Variants in BMPR2 observed in about 807,000 individuals in gnomAD.
BMPR2 encodes the protein bone morphogenetic protein receptor type-2.
A neutral mutation model predicts 100.8 loss-of-function variants in BMPR2; 29 were observed. The observed-to-expected ratio is 0.29, with a 90% CI of 0.21 to 0.39. BMPR2 has a LOEUF of 0.39. Ranked by LOEUF, BMPR2 falls within the 10% of genes least tolerant of loss-of-function variation. The probability of loss-of-function intolerance (pLI) is 1.00; values close to 1 mark genes in which losing one functional copy is unlikely to be tolerated. For synonymous variants in BMPR2, 382 were observed against 442.3 expected (o/e 0.86, Z 1.71); for missense variants, 1,011 against 1,274.5 (o/e 0.79, Z 3.15).
At chr2:202,385,655 C>T (rs1329137933) in intron 1 of BMPR2, among the ~76,000 whole-genome samples, 2 of 137,426 alleles carry the variant, frequency 1.5e-5, no homozygotes, top group Admixed American at 7.6e-5. Context: ...TGAGCCACCA[C>T]GCCTGGCAAA....
At chr2:202,525,243 G>A (rs1418565119) in intron 7 of BMPR2, among the ~76,000 whole-genome samples, 2 of 151,752 alleles carry the variant, frequency 1.3e-5, no homozygotes, top group African/African-American at 2.4e-5. Flanking sequence ...GATGAGTCTC[G>A]CTCTGTTCCC....
chr2:202,443,227 C>T (rs998558829), intron 1 of BMPR2, among the ~76,000 whole-genome samples: 2 of 150,600 alleles, frequency 1.3e-5, no homozygotes, highest in African/African-American at 2.5e-5. Context: ...TATTCAGTAG[C>T]CCAAGCTGAC....
At chr2:202,385,251 A>G (rs1454852671) in intron 1 of BMPR2, among the ~76,000 whole-genome samples, 1 of 151,250 alleles carries the variant, frequency 6.6e-6, no homozygotes, top group East Asian at 1.9e-4. Flanking sequence ...CTTTTAGGGC[A>G]AGCTTTTTTT....
intron 10 of BMPR2, among the ~76,000 whole-genome samples, chr2:202,545,861 T>C (rs1170215451): frequency 6.6e-6 from 1 of 152,216 alleles, no homozygotes; most frequent in Non-Finnish European, 1.5e-5. Flanking sequence ...TGATAGCAAG[T>C]GAGAGGCTGA....
chr2:202,518,782 T>C lies in BMPR2; in HGVS notation c.622-40T>C, dbSNP rs916994422. The C allele has an allele frequency of 5.4e-6, 8 of 1,485,170 alleles. No individual in the cohort carries two copies. In the East Asian group the frequency reaches 1.1e-4, roughly 21 times the overall value. The allele number at this position is 1,485,170 out of a possible 1,614,324, so 92.0% of individuals were successfully genotyped here. ...TTATTTAGTAAATTTGATTGTTCAA[T>C]TGTGATATTAATACCTTGCTTTCTT... On this transcript the variant is annotated intron_variant, in intron 5 of 12. Transcript: ENST00000374580.
At chr2:202,444,459 A>T (rs1199452193) in intron 1 of BMPR2, among the ~76,000 whole-genome samples, 1 of 150,794 alleles carries the variant, frequency 6.6e-6, no homozygotes, top group Non-Finnish European at 1.5e-5. Context: ...ACAAATTTCT[A>T]AAAAAATAAC....
intron 3 of BMPR2, among the ~76,000 whole-genome samples, chr2:202,487,102 A>G (rs1243163563): frequency 6.6e-6 from 1 of 152,230 alleles, no homozygotes; most frequent in Non-Finnish European, 1.5e-5. Flanking sequence ...TTTTATCCGC[A>G]TGATAGCAAA....
chr2:202,403,707 CACTT>C (rs1690819836), intron 1 of BMPR2, among the ~76,000 whole-genome samples: 2 of 152,266 alleles, frequency 1.3e-5, no homozygotes, highest in Admixed American at 6.5e-5. Flanking sequence ...GATGTACACT[CACTT>C]AAGAGTGAGA....
At chr2:202,551,475 G>A (rs1688477167) in intron 10 of BMPR2, among the ~76,000 whole-genome samples, 1 of 152,006 alleles carries the variant, frequency 6.6e-6, no homozygotes, top group Non-Finnish European at 1.5e-5. Flanking sequence ...AGTGAGCAGA[G>A]ATCGTGCCAC....
intron 1 of BMPR2, among the ~76,000 whole-genome samples, chr2:202,438,550 A>G (rs1691663865): frequency 6.6e-6 from 1 of 150,514 alleles, no homozygotes; most frequent in Admixed American, 6.6e-5. Flanking sequence ...ATCATAAAGG[A>G]TCTACACCTA....
At chr2:202,511,979 C>G (rs780025277) in intron 3 of BMPR2, among the ~76,000 whole-genome samples, 5 of 150,826 alleles carry the variant, frequency 3.3e-5, no homozygotes, top group Non-Finnish European at 7.4e-5. Flanking sequence ...TGAGATTGCA[C>G]CACTGAGCTC....
chr2:202,409,546 G>T (rs1165729153), intron 1 of BMPR2, among the ~76,000 whole-genome samples: 1 of 152,020 alleles, frequency 6.6e-6, no homozygotes, highest in Non-Finnish European at 1.5e-5. Context: ...GTAAGACTCT[G>T]TCTCTATTAA....
intron 3 of BMPR2, among the ~76,000 whole-genome samples, chr2:202,500,293 C>A (rs1054254301): frequency 1.4e-4 from 22 of 152,320 alleles, no homozygotes; most frequent in African/African-American, 5.3e-4. Context: ...GGTATTTCTC[C>A]CACCTCCTCA....
At chr2:202,447,890 G>T (rs1202950722) in intron 1 of BMPR2, among the ~76,000 whole-genome samples, 1 of 150,376 alleles carries the variant, frequency 6.6e-6, no homozygotes, top group East Asian at 1.9e-4. Flanking sequence ...ATGTTTCTAG[G>T]ATATTCAAAA....
At chr2:202,480,239 TCTC>T (rs1460632412) in intron 3 of BMPR2, among the ~76,000 whole-genome samples, 1 of 152,146 alleles carries the variant, frequency 6.6e-6, no homozygotes, top group East Asian at 1.9e-4. Flanking sequence ...TTCACGCTAT[TCTC>T]CTGTCTCAGC....
In BMPR2 at chr2:202,446,009, C is replaced by T. The variant is rs529298758; in HGVS notation, c.77-18800C>T. On this transcript the variant is annotated intron_variant, in intron 1 of 12. Transcript: ENST00000374580. The stretch of plus-strand genomic sequence containing the variant: ...CAGGATGGTCTTGATCTCCCGACCT[C>T]GTGATCTGCCCATCTTGGCCTCCCA... Among the ~76,000 whole-genome samples the T allele has an allele frequency of 4.7e-5, 7 of 149,966 alleles. No homozygotes were observed. The East Asian group carries it at 1.2e-3, about 25-fold the overall frequency.
chr2:202,465,050 G>T, intron 2 of BMPR2, 71 bp downstream of exon 2: 1 of 1,566,756 alleles, frequency 6.4e-7, no homozygotes, highest in Non-Finnish European at 8.8e-7. Flanking sequence ...AAGGACATGG[G>T]AGTATGTTAA....
Position 202,555,821 on chromosome 2 carries a change from G to A in BMPR2, c.2156G>A (p.Gly719Glu). 2 of 1,614,100 alleles carry A rather than the reference G, an allele frequency of 1.2e-6. No individual in the cohort carries two copies. The highest frequency in any genetic ancestry group is 1.7e-6 in the Non-Finnish European group (2 of 1,180,018). Residue 719 changes from glycine (G) to glutamate (E), a missense_variant, in exon 12 of 13, where the codon GGA becomes GAA. Physicochemically the swap from Gly to Glu is moderately conservative, Grantham distance 98. Around this residue, in one of 6 missense-constraint regions of BMPR2, gnomAD observed 508 missense variants for 552.0 expected, o/e 0.92. Transcript: ENST00000374580. ...PLIKLAVEAT[G>E]QQDFTQTANG... ...ATAAAACTTGCAGTAGAAGCAACTG[G>A]ACAGCAGGACTTCACACAGACTGCA...
chr2:202,467,805 T>C (rs1003161084), intron 3 of BMPR2, 116 bp downstream of exon 3: 2 of 1,101,210 alleles, frequency 1.8e-6, no homozygotes. Flanking sequence ...ATGCCTGTAA[T>C]GCCAGCACTT....
Sources: gnomAD v4.1 joint callset for allele counts (sites outside exome capture counted in the v4.1 genomes callset) on GRCh38, gnomAD v4.1.1 for gene constraint, gnomAD v4.1.1 regional missense constraint, MANE v1.5 for transcripts, NCBI Gene and HGNC (gene_info 2026-07-23, HGNC 2026-07-21) for gene names.